Variants in TCEANC2 observed in about 807,000 individuals in gnomAD.
The protein encoded by TCEANC2 is transcription elongation factor A N-terminal and central domain-containing protein 2.
Under a neutral mutation model 22.8 loss-of-function variants are expected in TCEANC2, and 20 were observed. The ratio of observed to expected loss-of-function variants is 0.88; its 90% CI spans 0.62 to 1.28. TCEANC2 has a LOEUF of 1.28. Among genes scored for constraint, TCEANC2 ranks in the 50% most tolerant of loss-of-function variants. The probability of loss-of-function intolerance (pLI) is 0.00; values close to 1 mark genes in which losing one functional copy is unlikely to be tolerated. For missense variants in TCEANC2, 251 were observed against 249.7 expected, an observed-to-expected ratio of 1.01 and a Z score of -0.03; for synonymous variants, 84 against 95.5, an observed-to-expected ratio of 0.88 and a Z score of 0.70.
At chr1:54,086,596 A>G (rs372093124) in intron 3 of TCEANC2, among the ~76,000 whole-genome samples, 20 of 152,316 alleles carry the variant, frequency 1.3e-4, no homozygotes, top group Middle Eastern at 3.4e-3. Context: ...ATTGGATGAC[A>G]GTGGATAGTA....
At chr1:54,095,569 G>A (rs1165822027) in intron 4 of TCEANC2, among the ~76,000 whole-genome samples, 4 of 152,204 alleles carry the variant, frequency 2.6e-5, no homozygotes, top group Non-Finnish European at 5.9e-5. Context: ...GCTTGGGCCT[G>A]AGCCAGACCA....
At chr1:54,110,453 A>T (rs1658821999), downstream of TCEANC2, among the ~76,000 whole-genome samples, 1 of 152,040 alleles carries the variant, frequency 6.6e-6, no homozygotes, top group Non-Finnish European at 1.5e-5. Flanking sequence ...AAGAAAAAAA[A>T]AATAGCCAGA....
chr1:54,069,919 C>T (rs1265515883), intron 3 of TCEANC2, among the ~76,000 whole-genome samples: 1 of 152,182 alleles, frequency 6.6e-6, no homozygotes, highest in Non-Finnish European at 1.5e-5. Flanking sequence ...ACTCAAGCTG[C>T]TCCCAGCTCC....
At chr1:54,079,387 A>C (rs1027141572) in intron 3 of TCEANC2, among the ~76,000 whole-genome samples, 1 of 152,204 alleles carries the variant, frequency 6.6e-6, no homozygotes, top group Non-Finnish European at 1.5e-5. Flanking sequence ...TGACAAAGCT[A>C]AAATGTTCTT....
In TCEANC2 at chr1:54,074,473, A is replaced by T. The variant is rs185600055; in HGVS notation, c.244+5576A>T. Among the ~76,000 whole-genome samples, 225 of 152,326 alleles carry T rather than the reference A, an allele frequency of 1.5e-3. 1 individual carries two copies. The highest frequency in any genetic ancestry group is 4.7e-3 in the African/African-American group (197 of 41,570). ...CCGAGACTCCGTCTCAAAAAAAAAA[A>T]ATATAGTAGATAAGCTTGCCTAGGA... On this transcript the variant is annotated intron_variant, in intron 3 of 4. Transcript: ENST00000234827.
At position 54,100,872 on chromosome 1, in the gene TCEANC2, A is replaced by C. The variant is rs996390730; in HGVS notation, c.*4399A>C. Reference sequence around the variant, plus strand: ...AGATTTAAAAAACAAAAACAAAAACAGATATTTTAAGAAAATTTTAAACAT... The same window carrying C: ...AGATTTAAAAAACAAAAACAAAAACCGATATTTTAAGAAAATTTTAAACAT... On this transcript the variant is annotated 3_prime_UTR_variant, in exon 5 of 5. Coordinates refer to ENST00000234827, the MANE Select transcript of TCEANC2 (RefSeq NM_153035.3). The C allele has an allele frequency of 1.2e-4, 19 of 152,242 alleles. No individual in the cohort carries two copies. Among genetic ancestry groups the C allele is most frequent in the Non-Finnish European group, 1.8e-4 (12 of 68,052 alleles). 9.4% of individuals were successfully genotyped at this position (152,242 alleles called of 1,614,324 possible). A position where few individuals can be genotyped will look rare whatever the true frequency, so the allele number is the denominator to read the frequency against.
chr1:54,106,359 ATTT>A (rs1163846030), downstream of TCEANC2, among the ~76,000 whole-genome samples: 3 of 152,224 alleles, frequency 2.0e-5, no homozygotes, highest in Non-Finnish European at 4.4e-5. Context: ...CCACATATGT[ATTT>A]TTTAATTTTC....
chr1:54,060,896 C>T (rs577529670), intron 2 of TCEANC2, among the ~76,000 whole-genome samples: 12 of 150,310 alleles, frequency 8.0e-5, no homozygotes, highest in Admixed American at 5.3e-4. Context: ...TGCAGTGAGC[C>T]GAGATCATGC....
At chr1:54,082,831 A>G (rs1658270976) in intron 3 of TCEANC2, among the ~76,000 whole-genome samples, 1 of 152,136 alleles carries the variant, frequency 6.6e-6, no homozygotes, top group Non-Finnish European at 1.5e-5. Flanking sequence ...CCATCGGAGG[A>G]TTTTTATTAA....
chr1:54,077,763 C>T (rs933097328), intron 3 of TCEANC2, among the ~76,000 whole-genome samples: 9 of 152,130 alleles, frequency 5.9e-5, no homozygotes, highest in African/African-American at 2.2e-4. Flanking sequence ...GTGAAAATGA[C>T]AACGTTGAAC....
At chr1:54,064,064 C>G (rs1352239452) in intron 2 of TCEANC2, among the ~76,000 whole-genome samples, 1 of 152,168 alleles carries the variant, frequency 6.6e-6, no homozygotes, top group East Asian at 1.9e-4. Flanking sequence ...TAAGACACTT[C>G]ATATTCTAGA....
At chr1:54,081,783 G>C (rs1253829069) in intron 3 of TCEANC2, among the ~76,000 whole-genome samples, 2 of 152,176 alleles carry the variant, frequency 1.3e-5, no homozygotes, top group Non-Finnish European at 2.9e-5. Flanking sequence ...GGTGTTGACA[G>C]AACACTCCTG....
At chr1:54,065,416 T>C (rs1569997296) in intron 2 of TCEANC2, among the ~76,000 whole-genome samples, 2 of 152,158 alleles carry the variant, frequency 1.3e-5, no homozygotes, top group Admixed American at 6.5e-5. Flanking sequence ...TTAGTATACA[T>C]CTTAAACATT....
Position 54,100,853 on chromosome 1 carries a change from AAAAAAC to A in TCEANC2, c.*4394_*4399del, listed in dbSNP as rs556294466. On this transcript the variant is annotated 3_prime_UTR_variant, in exon 5 of 5. Transcript: ENST00000234827. ...TCAGATGTGTGTTTTAAAAAGATTT[AAAAAAC>A]AAAAACAAAAACAGATATTTTAAGA... The A allele has an allele frequency of 1.0e-3, 153 of 152,358 alleles. 1 individual carries two copies. Among genetic ancestry groups the A allele is most frequent in the African/African-American group, 3.5e-3 (145 of 41,588 alleles). 9.4% of individuals were successfully genotyped at this position (152,358 alleles called of 1,614,324 possible).
In TCEANC2 at chr1:54,054,445, C is replaced by T. The variant is rs1657701657; in HGVS notation, c.23C>T (p.Thr8Met). The T allele has an allele frequency of 3.1e-6, 5 of 1,614,070 alleles. No individual in the cohort carries two copies. Among genetic ancestry groups the T allele is most frequent in the Non-Finnish European group, 3.4e-6 (4 of 1,180,000 alleles). Residue 8 changes from threonine to methionine, a missense_variant, in exon 2 of 5, where the codon ACG becomes ATG. Physicochemically the swap from Thr to Met is moderately conservative, Grantham distance 81 (BLOSUM62 -1). Coordinates refer to ENST00000234827, the MANE Select transcript of TCEANC2 (RefSeq NM_153035.3). ...ACAATGGATAAATTCGTCATTCGAACGCCTAGAATCCAGAATAGCCCTCAG... is the reference window on the plus strand; with the variant it reads ...ACAATGGATAAATTCGTCATTCGAATGCCTAGAATCCAGAATAGCCCTCAG... The part of the protein sequence containing the change: MDKFVIR[T>M]PRIQNSPQKK...
At chr1:54,094,866 C>T (rs1658515548) in intron 4 of TCEANC2, among the ~76,000 whole-genome samples, 1 of 152,198 alleles carries the variant, frequency 6.6e-6, no homozygotes, top group African/African-American at 2.4e-5. Context: ...TGGCTGGGTG[C>T]AGTGGCTCAT....
chr1:54,079,020 G>C (rs1658194408), intron 3 of TCEANC2, among the ~76,000 whole-genome samples: 1 of 152,204 alleles, frequency 6.6e-6, no homozygotes, highest in South Asian at 2.1e-4. Context: ...TATTATCAAG[G>C]AAACCAAAGA....
chr1:54,078,776 C>A (rs1292636395), intron 3 of TCEANC2, among the ~76,000 whole-genome samples: 1 of 152,054 alleles, frequency 6.6e-6, no homozygotes, highest in East Asian at 1.9e-4. Context: ...AAGAACTGAA[C>A]CTGGGAGAAA....
chr1:54,074,918 T>C (rs1297158251), intron 3 of TCEANC2, among the ~76,000 whole-genome samples: 1 of 152,236 alleles, frequency 6.6e-6, no homozygotes, highest in Non-Finnish European at 1.5e-5. Context: ...AAGAAAGTTC[T>C]GTTTTTTAAG....
Sources: gnomAD v4.1 joint callset for allele counts (sites outside exome capture counted in the v4.1 genomes callset) on GRCh38, gnomAD v4.1.1 for gene constraint, MANE v1.5 for transcripts, NCBI Gene and HGNC (gene_info 2026-07-23, HGNC 2026-07-21) for gene names.